Variants in SPAG16 observed in about 807,000 individuals in gnomAD.
SPAG16 encodes the protein sperm associated antigen 16, also known as sperm-associated antigen 16 protein.
Under a neutral mutation model 80.4 loss-of-function variants are expected in SPAG16, and 86 were observed. That is an observed-to-expected ratio of 1.07 (90% CI 0.90 to 1.28). The LOEUF (loss-of-function observed/expected upper bound fraction) is 1.28, where lower values mean the gene tolerates loss of function less well. SPAG16 is among the 50% of genes most tolerant of loss of function. The pLI is 0.00. For missense variants in SPAG16, 870 were observed against 765.3 expected, an observed-to-expected ratio of 1.14 and a Z score of -1.61; for synonymous variants, 294 against 265.9, an observed-to-expected ratio of 1.11 and a Z score of -1.03.
chr2:214,399,446 A>T (rs769332764), intron 15 of SPAG16, among the ~76,000 whole-genome samples: 4 of 152,110 alleles, frequency 2.6e-5, no homozygotes, highest in Non-Finnish European at 5.9e-5. Context: ...ATTATTAACA[A>T]TTCACCACCT....
At chr2:213,735,835 ATATAT>A (rs1294181363) in intron 10 of SPAG16, among the ~76,000 whole-genome samples, 1 of 152,208 alleles carries the variant, frequency 6.6e-6, no homozygotes, top group African/African-American at 2.4e-5. Flanking sequence ...TATTTGAAAG[ATATAT>A]TATGTCTAGA....
chr2:214,333,293 C>G (rs981054821), intron 15 of SPAG16, among the ~76,000 whole-genome samples: 1 of 152,188 alleles, frequency 6.6e-6, no homozygotes, highest in African/African-American at 2.4e-5. Flanking sequence ...GAGCAATACT[C>G]TAGTTGGCTA....
intron 10 of SPAG16, among the ~76,000 whole-genome samples, chr2:213,795,506 T>G (rs2070969370): frequency 6.6e-6 from 1 of 152,194 alleles, no homozygotes; most frequent in Non-Finnish European, 1.5e-5. Flanking sequence ...ACGCCAATCC[T>G]TTAATTAGAA....
At chr2:213,635,940 C>A (rs2062345341) in intron 10 of SPAG16, among the ~76,000 whole-genome samples, 1 of 152,162 alleles carries the variant, frequency 6.6e-6, no homozygotes, top group Non-Finnish European at 1.5e-5. Flanking sequence ...TGTGCAGAAG[C>A]ATTTTAGTTT....
chr2:213,410,730 C>T (rs942440618), intron 9 of SPAG16, among the ~76,000 whole-genome samples: 1 of 152,224 alleles, frequency 6.6e-6, no homozygotes, highest in South Asian at 2.1e-4. Context: ...GCAATTGTTA[C>T]ACTTGTGCGC....
At chr2:213,767,543 G>A (rs144604555) in intron 10 of SPAG16, among the ~76,000 whole-genome samples, 5 of 151,886 alleles carry the variant, frequency 3.3e-5, no homozygotes, top group East Asian at 1.9e-4. Context: ...TTGAGAGGTC[G>A]CTTGAGCCTG....
At chr2:214,369,979 A>G (rs1365949962) in intron 15 of SPAG16, among the ~76,000 whole-genome samples, 2 of 152,128 alleles carry the variant, frequency 1.3e-5, no homozygotes, top group East Asian at 3.9e-4. Flanking sequence ...ATGAATGTTG[A>G]AAACTCTTTT....
chr2:214,339,000 T>G (rs918487853), intron 15 of SPAG16, among the ~76,000 whole-genome samples: 13 of 152,240 alleles, frequency 8.5e-5, no homozygotes, highest in African/African-American at 3.1e-4. Flanking sequence ...ATGATATTTC[T>G]GCCAACAGAA....
intron 15 of SPAG16, among the ~76,000 whole-genome samples, chr2:214,262,746 T>C (rs116507637): frequency 0.018 from 2,809 of 152,176 alleles, 62 homozygotes; most frequent in East Asian, 0.071. Context: ...AACAATGAAA[T>C]AACCGCAAAT....
intron 10 of SPAG16, among the ~76,000 whole-genome samples, chr2:213,842,085 A>G (rs938151585): frequency 6.6e-6 from 1 of 152,186 alleles, no homozygotes; most frequent in Non-Finnish European, 1.5e-5. Context: ...GGAAAGCATT[A>G]TAACACTTCA....
chr2:214,029,510 A>G (rs1479615311), intron 13 of SPAG16, among the ~76,000 whole-genome samples: 1 of 152,112 alleles, frequency 6.6e-6, no homozygotes, highest in Non-Finnish European at 1.5e-5. Flanking sequence ...TGGAAGCAGA[A>G]AAATCCACTG....
At chr2:213,713,252 C>G (rs2066085055) in intron 10 of SPAG16, among the ~76,000 whole-genome samples, 1 of 152,134 alleles carries the variant, frequency 6.6e-6, no homozygotes, top group Admixed American at 6.5e-5. Flanking sequence ...ATACCACTGC[C>G]TTTGTCATGA....
intron 12 of SPAG16, among the ~76,000 whole-genome samples, chr2:214,012,491 T>C (rs1290148751): frequency 6.6e-6 from 1 of 151,326 alleles, no homozygotes. Context: ...AGATGGGGTT[T>C]CACCATGTTG....
intron 10 of SPAG16, among the ~76,000 whole-genome samples, chr2:213,612,407 A>G (rs982617614): frequency 1.7e-4 from 26 of 152,108 alleles, no homozygotes; most frequent in African/African-American, 5.8e-4. Flanking sequence ...TGATTTCCAA[A>G]TATTTCTCTT....
chr2:213,447,363 C>A (rs1394522758), intron 9 of SPAG16, among the ~76,000 whole-genome samples: 1 of 152,194 alleles, frequency 6.6e-6, no homozygotes, highest in African/African-American at 2.4e-5. Context: ...CTGGCTATCG[C>A]CATGTCCAGA....
At chr2:214,174,999 C>T (rs2057020654) in intron 15 of SPAG16, among the ~76,000 whole-genome samples, 2 of 151,488 alleles carry the variant, frequency 1.3e-5, no homozygotes, top group South Asian at 4.2e-4. Flanking sequence ...CCTGCAGAAG[C>T]CAGTCTGAAT....
intron 10 of SPAG16, among the ~76,000 whole-genome samples, chr2:213,532,052 T>C (rs931241578): frequency 3.3e-5 from 5 of 152,226 alleles, no homozygotes; most frequent in Non-Finnish European, 7.3e-5. Flanking sequence ...TCTTTTATTC[T>C]AAAAGTATAC....
intron 15 of SPAG16, among the ~76,000 whole-genome samples, chr2:214,387,403 T>C (rs1700822107): frequency 6.6e-6 from 1 of 152,206 alleles, no homozygotes; most frequent in Admixed American, 6.5e-5. Context: ...AGTATATAAC[T>C]GTTGAGGGAA....
intron 15 of SPAG16, among the ~76,000 whole-genome samples, chr2:214,314,676 G>A (rs527273635): frequency 2.6e-5 from 4 of 152,214 alleles, no homozygotes; most frequent in Admixed American, 6.5e-5. Context: ...ATAAAGGCAT[G>A]GGCAGGAGAC....
Sources: allele counts gnomAD v4.1 joint callset (sites outside exome capture counted in the v4.1 genomes callset), GRCh38; gene constraint gnomAD v4.1.1; transcripts MANE v1.5; gene names NCBI Gene and HGNC (gene_info 2026-07-23, HGNC 2026-07-21).